The following ATP8A2 variants were observed in gnomAD, a reference collection of about 807,000 sequenced individuals.
ATP8A2 encodes the protein ATPase phospholipid transporting 8A2, also known as phospholipid-transporting ATPase IB.
In ATP8A2, 100 loss-of-function variants were observed where a neutral mutation model predicts 165.6. The ratio of observed to expected loss-of-function variants is 0.60; its 90% CI spans 0.51 to 0.71. The LOEUF is 0.71. ATP8A2 is among the 30% of genes least tolerant of loss of function. The probability of loss-of-function intolerance (pLI) is 0.00; values close to 1 mark genes in which losing one functional copy is unlikely to be tolerated. For synonymous variants in ATP8A2, 543 were observed against 548.8 expected, an observed-to-expected ratio of 0.99 and a Z score of 0.15; for missense variants, 1,227 against 1,479.5, an observed-to-expected ratio of 0.83 and a Z score of 2.80.
intron 1 of ATP8A2, among the ~76,000 whole-genome samples, chr13:25,427,706 C>A (rs988239266): frequency 2.0e-5 from 3 of 151,508 alleles, no homozygotes; most frequent in Non-Finnish European, 4.4e-5. Flanking sequence ...CCATGCTGGC[C>A]AACATGGTGA....
At chr13:25,643,731 G>GGTTTT (rs567913077) in intron 24 of ATP8A2, among the ~76,000 whole-genome samples, 1 of 150,164 alleles carries the variant, frequency 6.7e-6, no homozygotes, top group African/African-American at 2.4e-5. Flanking sequence ...TGATTGCTTT[G>GGTTTT]GTTTTGTTTT....
chr13:25,974,882 CACAGCTGAAG>C (rs1955996653), intron 35 of ATP8A2, among the ~76,000 whole-genome samples: 1 of 152,154 alleles, frequency 6.6e-6, no homozygotes, highest in Non-Finnish European at 1.5e-5. Context: ...CCCACCATCC[CACAGCTGAAG>C]ACATCCTTTG....
chr13:25,909,958 G>T (rs1317224565), intron 33 of ATP8A2, among the ~76,000 whole-genome samples: 1 of 152,124 alleles, frequency 6.6e-6, no homozygotes, highest in Non-Finnish European at 1.5e-5. Context: ...TTATGTTGTA[G>T]CAGGTGTGCA....
intron 6 of ATP8A2, among the ~76,000 whole-genome samples, chr13:25,536,702 A>G (rs1360895752): frequency 1.3e-5 from 2 of 152,240 alleles, no homozygotes; most frequent in Admixed American, 6.5e-5. Flanking sequence ...AATAGAAAGC[A>G]TAAATGCCCA....
chr13:25,485,568 A>G (rs1164566593), intron 2 of ATP8A2, among the ~76,000 whole-genome samples: 1 of 152,220 alleles, frequency 6.6e-6, no homozygotes, highest in Non-Finnish European at 1.5e-5. Flanking sequence ...CTGGAAAACC[A>G]TTCTAGTCCA....
intron 25 of ATP8A2, among the ~76,000 whole-genome samples, chr13:25,715,774 A>G (rs3132345): frequency 0.24 from 36,874 of 152,082 alleles, 6,699 homozygotes; most frequent in African/African-American, 0.51. Flanking sequence ...TCATCTACAA[A>G]TTTTTGTGTG....
intron 25 of ATP8A2, 86 bp from the exon 26 acceptor site, chr13:25,768,960 G>C (rs756414905): frequency 7.0e-6 from 9 of 1,287,420 alleles, no homozygotes; most frequent in Non-Finnish European, 1.0e-5. Flanking sequence ...TCCAGTAACT[G>C]TCCTTTTAAT....
intron 33 of ATP8A2, among the ~76,000 whole-genome samples, chr13:25,871,018 A>G (rs1193334141): frequency 1.3e-5 from 2 of 151,422 alleles, no homozygotes; most frequent in African/African-American, 4.9e-5. Flanking sequence ...CCCGTATACA[A>G]TTTCCTCCAT....
chr13:25,570,639 T>G (rs1005689302), intron 16 of ATP8A2, 128 bp from the exon 17 acceptor site: 7 of 672,368 alleles, frequency 1.0e-5, no homozygotes, highest in Non-Finnish European at 1.8e-5. Context: ...AGGTCCATAT[T>G]AAGGACCTCT....
chr13:25,636,536 A>G (rs1166414114), intron 24 of ATP8A2, among the ~76,000 whole-genome samples: 2 of 152,118 alleles, frequency 1.3e-5, no homozygotes, highest in Non-Finnish European at 2.9e-5. Context: ...CGGAAATATC[A>G]TCTTATTATT....
At chr13:25,866,925 C>T (rs185039613) in intron 33 of ATP8A2, among the ~76,000 whole-genome samples, 1 of 152,290 alleles carries the variant, frequency 6.6e-6, no homozygotes, top group East Asian at 1.9e-4. Flanking sequence ...ACCGTAAGGG[C>T]AGCTAGCTTT....
chr13:25,833,404 G>T (rs1438849536), intron 28 of ATP8A2, among the ~76,000 whole-genome samples: 2 of 152,018 alleles, frequency 1.3e-5, no homozygotes, highest in African/African-American at 4.8e-5. Flanking sequence ...GAATAAATAT[G>T]TAAAGCATGC....
At chr13:25,883,055 G>A (rs1400688446) in intron 33 of ATP8A2, among the ~76,000 whole-genome samples, 1 of 152,152 alleles carries the variant, frequency 6.6e-6, no homozygotes, top group African/African-American at 2.4e-5. Context: ...ATGAGAAACC[G>A]AAACCAAGTC....
intron 1 of ATP8A2, among the ~76,000 whole-genome samples, chr13:25,424,914 C>T (rs1475316022): frequency 6.6e-6 from 1 of 152,174 alleles, no homozygotes; most frequent in Admixed American, 6.5e-5. Flanking sequence ...GCCAAGATTA[C>T]ACCATTACAC....
intron 35 of ATP8A2, among the ~76,000 whole-genome samples, chr13:25,969,737 T>G (rs1955871736): frequency 6.6e-6 from 1 of 152,220 alleles, no homozygotes; most frequent in East Asian, 1.9e-4. Context: ...TTTTAGTAAG[T>G]TTATTAAGCA....
chr13:25,839,607 T>C lies in ATP8A2; in HGVS notation c.2939T>C (p.Met980Thr). ...TCCCTCATCCTCTTCTGGTTTCCCA[T>C]GAAAGCTCTGGAGCATGGTAAGGGC... ...VHSLILFWFP[M>T]KALEHDTVLT... Residue 980 changes from methionine to threonine, a missense_variant, in exon 30 of 37, where the codon ATG (methionine) becomes ACG (threonine). Met to Thr is a moderately conservative substitution (Grantham distance 81). Transcript: ENST00000381655. The C allele has an allele frequency of 6.2e-7, 1 of 1,613,980 alleles. No individual in the cohort carries two copies. The highest frequency in any genetic ancestry group is 8.5e-7 in the Non-Finnish European group (1 of 1,179,856).
chr13:25,873,046 G>C (rs1239636813), intron 33 of ATP8A2, among the ~76,000 whole-genome samples: 2 of 152,110 alleles, frequency 1.3e-5, no homozygotes, highest in Admixed American at 6.5e-5. Context: ...GACCAACGCA[G>C]ATCTGGAAAT....
chr13:25,451,352 A>G (rs74363722), intron 1 of ATP8A2, among the ~76,000 whole-genome samples: 1,711 of 152,214 alleles, frequency 0.011, 38 homozygotes, highest in African/African-American at 0.04. Flanking sequence ...AATCATTTTC[A>G]GCTAGAAAGA....
At chr13:25,612,160 C>CT (rs1234753457) in intron 24 of ATP8A2, among the ~76,000 whole-genome samples, 3 of 151,844 alleles carry the variant, frequency 2.0e-5, no homozygotes, top group Non-Finnish European at 4.4e-5. Flanking sequence ...TTGGTTATTT[C>CT]TTTTTTTCTG....
Sources: allele counts gnomAD v4.1 joint callset (sites outside exome capture counted in the v4.1 genomes callset), GRCh38; gene constraint gnomAD v4.1.1; transcripts MANE v1.5; gene names NCBI Gene and HGNC (gene_info 2026-07-23, HGNC 2026-07-21).